Variants in CHCHD6 observed in about 807,000 individuals in gnomAD.
The protein encoded by CHCHD6 is MICOS complex subunit MIC25.
A neutral mutation model predicts 32.3 loss-of-function variants in CHCHD6; 28 were observed. The observed-to-expected ratio is 0.87, with a 90% CI of 0.64 to 1.19. The LOEUF (loss-of-function observed/expected upper bound fraction) is 1.19, where lower values mean the gene tolerates loss of function less well. CHCHD6 is among the 50% of genes most tolerant of loss of function. The pLI is 0.00. For synonymous variants in CHCHD6, 122 were observed against 117.5 expected (o/e 1.04, Z -0.25); for missense variants, 333 against 307.0 (o/e 1.08, Z -0.63).
At chr3:126,714,425 C>T (rs1051183989) in intron 1 of CHCHD6, among the ~76,000 whole-genome samples, 7 of 152,212 alleles carry the variant, frequency 4.6e-5, no homozygotes, top group East Asian at 3.9e-4. Flanking sequence ...GGTGAGCAGC[C>T]GGTGCATCTA....
At chr3:126,933,072 C>CT (rs1559930195) in intron 6 of CHCHD6, among the ~76,000 whole-genome samples, 3 of 152,080 alleles carry the variant, frequency 2.0e-5, no homozygotes, top group African/African-American at 7.2e-5. Flanking sequence ...GACTGACCCA[C>CT]GGTTCTGAAA....
At chr3:126,896,116 C>A (rs895941964) in intron 5 of CHCHD6, among the ~76,000 whole-genome samples, 1 of 151,872 alleles carries the variant, frequency 6.6e-6, no homozygotes, top group Non-Finnish European at 1.5e-5. Context: ...TTACATGAAG[C>A]TTTGAGGAGA....
intron 1 of CHCHD6, among the ~76,000 whole-genome samples, chr3:126,706,432 TC>T (rs1033215731): frequency 6.6e-6 from 1 of 151,974 alleles, no homozygotes; most frequent in East Asian, 1.9e-4. Context: ...CTTCTGCAAT[TC>T]CCCCCCATGA....
intron 5 of CHCHD6, among the ~76,000 whole-genome samples, chr3:126,878,865 A>G (rs185783583): frequency 1.9e-4 from 29 of 152,314 alleles, no homozygotes; most frequent in African/African-American, 6.5e-4. Context: ...ATTCAGTTAC[A>G]GTGGTGGAGG....
chr3:126,897,158 C>G (rs2077852670), intron 5 of CHCHD6, among the ~76,000 whole-genome samples: 1 of 152,140 alleles, frequency 6.6e-6, no homozygotes, highest in African/African-American at 2.4e-5. Context: ...GACAGGGTCC[C>G]CCAGCTGGCA....
intron 4 of CHCHD6, among the ~76,000 whole-genome samples, chr3:126,785,821 ATATAT>A (rs1377850875): frequency 6.6e-6 from 1 of 151,942 alleles, no homozygotes; most frequent in Admixed American, 6.6e-5. Context: ...TCTTTTATAC[ATATAT>A]ATAAGTAGAT....
chr3:126,834,428 C>G (rs1388459088), intron 4 of CHCHD6, among the ~76,000 whole-genome samples: 1 of 152,054 alleles, frequency 6.6e-6, no homozygotes, highest in South Asian at 2.1e-4. Context: ...CCAGCTCTGG[C>G]TATCATAAGC....
chr3:126,705,285 A>C (rs1934428189), intron 1 of CHCHD6, among the ~76,000 whole-genome samples: 1 of 152,110 alleles, frequency 6.6e-6, no homozygotes, highest in Non-Finnish European at 1.5e-5. Flanking sequence ...TTACTTGTTT[A>C]TTGCGTTTAC....
At chr3:126,750,272 A>C (rs959346904) in intron 4 of CHCHD6, among the ~76,000 whole-genome samples, 6 of 152,002 alleles carry the variant, frequency 3.9e-5, no homozygotes, top group African/African-American at 7.3e-5. Context: ...GTCTTTGACT[A>C]TTTTCTCCTA....
intron 5 of CHCHD6, among the ~76,000 whole-genome samples, chr3:126,892,580 G>T (rs1180726313): frequency 3.9e-5 from 6 of 152,146 alleles, no homozygotes; most frequent in Non-Finnish European, 8.8e-5. Flanking sequence ...GGGCACACAG[G>T]TCCATCCCTA....
At chr3:126,806,878 A>C (rs1939409713) in intron 4 of CHCHD6, among the ~76,000 whole-genome samples, 1 of 152,018 alleles carries the variant, frequency 6.6e-6, no homozygotes, top group Admixed American at 6.6e-5. Flanking sequence ...ATAAAAAATG[A>C]TGAGTTCATG....
At chr3:126,882,320 A>T (rs1222837830) in intron 5 of CHCHD6, among the ~76,000 whole-genome samples, 1 of 152,112 alleles carries the variant, frequency 6.6e-6, no homozygotes, top group Non-Finnish European at 1.5e-5. Context: ...ACGCATGGAG[A>T]TGCCTACCTT....
At chr3:126,733,727 T>G (rs577870691) in intron 4 of CHCHD6, among the ~76,000 whole-genome samples, 4 of 152,216 alleles carry the variant, frequency 2.6e-5, no homozygotes, top group Non-Finnish European at 5.9e-5. Context: ...TCAGAGGAGA[T>G]AGTATTTGTC....
chr3:126,860,603 G>C (rs1941826053), intron 5 of CHCHD6, among the ~76,000 whole-genome samples: 4 of 152,110 alleles, frequency 2.6e-5, no homozygotes. Context: ...AATAAAAAAA[G>C]AAAAAGTTTT....
chr3:126,904,863 G>C (rs1230502071), intron 5 of CHCHD6, among the ~76,000 whole-genome samples: 2 of 152,232 alleles, frequency 1.3e-5, no homozygotes, highest in Non-Finnish European at 2.9e-5. Flanking sequence ...GCTTCGTTAA[G>C]AAATAGGACA....
intron 5 of CHCHD6, among the ~76,000 whole-genome samples, chr3:126,874,232 A>G (rs1411147969): frequency 6.6e-6 from 1 of 152,208 alleles, no homozygotes; most frequent in Non-Finnish European, 1.5e-5. Context: ...AGGTGTCTAA[A>G]AAGTGTTTCC....
intron 5 of CHCHD6, among the ~76,000 whole-genome samples, chr3:126,895,295 G>A (rs1484177858): frequency 6.6e-6 from 1 of 152,224 alleles, no homozygotes; most frequent in African/African-American, 2.4e-5. Flanking sequence ...GGAAGGAAAG[G>A]ATTCCTCTGA....
chr3:126,842,810 CTTTT>C (rs63135461), intron 4 of CHCHD6, among the ~76,000 whole-genome samples: 2 of 94,652 alleles, frequency 2.1e-5, no homozygotes, highest in Non-Finnish European at 2.3e-5. Context: ...CACTGAAATT[CTTTT>C]TTTTTTTTTT....
At chr3:126,857,163 AGGTTT>A (rs939296903) in intron 5 of CHCHD6, among the ~76,000 whole-genome samples, 13 of 152,166 alleles carry the variant, frequency 8.5e-5, no homozygotes, top group Non-Finnish European at 1.8e-4. Context: ...ACCCACAGTC[AGGTTT>A]GGGAGGGAAG....
Sources: gnomAD v4.1 joint callset for allele counts (sites outside exome capture counted in the v4.1 genomes callset) on GRCh38, gnomAD v4.1.1 for gene constraint, MANE v1.5 for transcripts, NCBI Gene and HGNC (gene_info 2026-07-23, HGNC 2026-07-21) for gene names.